Variants in AKAP6 observed in about 807,000 individuals in gnomAD.
AKAP6 encodes A-kinase anchoring protein 6, also known as A-kinase anchor protein 6.
Under a neutral mutation model 188.5 loss-of-function variants are expected in AKAP6, and 58 were observed. The ratio of observed to expected loss-of-function variants is 0.31; its 90% CI spans 0.25 to 0.38. AKAP6 has a LOEUF of 0.38. Ranked by LOEUF, AKAP6 falls within the 10% of genes least tolerant of loss-of-function variation. AKAP6 has a pLI of 1.00. For synonymous variants in AKAP6, 989 were observed against 998.6 expected, an observed-to-expected ratio of 0.99 and a Z score of 0.18; for missense variants, 2,710 against 2,740.0, an observed-to-expected ratio of 0.99 and a Z score of 0.24.
chr14:32,509,120 CTTTTTTTTTTTT>C (rs368423502), intron 2 of AKAP6, among the ~76,000 whole-genome samples: 1 of 94,774 alleles, frequency 1.1e-5, no homozygotes, highest in Non-Finnish European at 2.0e-5. Context: ...TGCCCTGCCT[CTTTTTTTTTTTT>C]TTTTTTTTTT....
chr14:32,705,671 C>G (rs948611690), intron 9 of AKAP6, among the ~76,000 whole-genome samples: 1 of 152,098 alleles, frequency 6.6e-6, no homozygotes, highest in Non-Finnish European at 1.5e-5. Flanking sequence ...AGGCACAGAA[C>G]TTGTCCCTTA....
chr14:32,744,814 T>C (rs2031827932), intron 11 of AKAP6, among the ~76,000 whole-genome samples: 1 of 152,128 alleles, frequency 6.6e-6, no homozygotes, highest in Admixed American at 6.5e-5. Flanking sequence ...CCTTTTTCTG[T>C]TGTCTCCTCT....
chr14:32,519,504 A>T (rs1430961512), intron 2 of AKAP6, among the ~76,000 whole-genome samples: 5 of 152,154 alleles, frequency 3.3e-5, no homozygotes, highest in African/African-American at 1.2e-4. Context: ...AGGAAGACCT[A>T]CCAAGCAAAT....
In AKAP6 at chr14:32,830,985, A is replaced by G. The variant is rs1352934616; in HGVS notation, c.*1180A>G. Reference sequence around the variant, plus strand: ...AGTTTTCAAAATCTTTCTGGTCACTATAAAGATCTTGGAACAGCAAATGAT... The same window carrying G: ...AGTTTTCAAAATCTTTCTGGTCACTGTAAAGATCTTGGAACAGCAAATGAT... On this transcript the variant is annotated 3_prime_UTR_variant, in exon 14 of 14. Coordinates refer to ENST00000280979, the MANE Select transcript of AKAP6 (RefSeq NM_004274.5). 2 of 152,208 alleles carry G rather than the reference A, an allele frequency of 1.3e-5. No individual in the cohort carries two copies. Among genetic ancestry groups the G allele is most frequent in the African/African-American group, 2.4e-5 (1 of 41,454 alleles). 9.4% of individuals were successfully genotyped at this position (152,208 alleles called of 1,614,324 possible). A position where few individuals can be genotyped will look rare whatever the true frequency, so the allele number is the denominator to read the frequency against.
intron 3 of AKAP6, among the ~76,000 whole-genome samples, chr14:32,536,662 T>G (rs1308633586): frequency 1.3e-5 from 2 of 152,206 alleles, no homozygotes; most frequent in African/African-American, 2.4e-5. Flanking sequence ...TATATTTGAT[T>G]TTTCTTATTT....
chr14:32,430,863 T>C (rs1011414055), intron 1 of AKAP6, among the ~76,000 whole-genome samples: 2 of 152,052 alleles, frequency 1.3e-5, no homozygotes, highest in Non-Finnish European at 2.9e-5. Flanking sequence ...TCCCAGCACT[T>C]TGGGAGGCCG....
chr14:32,394,857 A>C (rs188666386), intron 1 of AKAP6, among the ~76,000 whole-genome samples: 297 of 152,310 alleles, frequency 1.9e-3, no homozygotes, highest in Non-Finnish European at 3.5e-3. Context: ...CATTCTTAGA[A>C]ACTAAAGGAA....
Position 32,600,642 on chromosome 14 carries a change from G to T in AKAP6, c.2580G>T (p.Met860Ile). 1 of 1,612,360 alleles carries T rather than the reference G, an allele frequency of 6.2e-7. No homozygotes were observed. The highest frequency in any genetic ancestry group is 1.1e-5 in the South Asian group (1 of 90,704). ...IASHKAGLKD[M>I]LRMIASQWKE... ...CTTTTGGAGAAGGACTGAAGGACATGCTGCGGATGATTGCAAGTCAATGGA... is the reference window on the plus strand; with the variant it reads ...CTTTTGGAGAAGGACTGAAGGACATTCTGCGGATGATTGCAAGTCAATGGA... Residue 860 changes from methionine to isoleucine, a missense_variant, in exon 7 of 14, where the codon ATG becomes ATT. Transcript: ENST00000280979.
chr14:32,628,367 A>G (rs1228833526), intron 7 of AKAP6, among the ~76,000 whole-genome samples: 1 of 151,906 alleles, frequency 6.6e-6, no homozygotes. Context: ...GGGCACCAAG[A>G]AGTAATGAAC....
intron 8 of AKAP6, among the ~76,000 whole-genome samples, chr14:32,694,438 C>T (rs1472163657): frequency 6.6e-6 from 1 of 151,822 alleles, no homozygotes; most frequent in Non-Finnish European, 1.5e-5. Context: ...GAATCTCAAG[C>T]CCCACCCTAG....
intron 13 of AKAP6, among the ~76,000 whole-genome samples, chr14:32,829,153 A>C (rs1293481539): frequency 6.6e-6 from 1 of 152,210 alleles, no homozygotes; most frequent in South Asian, 2.1e-4. Context: ...ATTTAGAAAC[A>C]GGCAGAATGG....
chr14:32,334,960 T>G (rs777898753), intron 1 of AKAP6, among the ~76,000 whole-genome samples: 4 of 152,054 alleles, frequency 2.6e-5, no homozygotes, highest in Non-Finnish European at 5.9e-5. Context: ...ATTTTCAGAT[T>G]TTTTTTTGGA....
At chr14:32,363,575 C>T (rs1887732519) in intron 1 of AKAP6, among the ~76,000 whole-genome samples, 1 of 152,164 alleles carries the variant, frequency 6.6e-6, no homozygotes, top group African/African-American at 2.4e-5. Context: ...AACTTGGAGT[C>T]CTATGTTCAA....
At chr14:32,504,715 C>G (rs1880779074) in intron 2 of AKAP6, among the ~76,000 whole-genome samples, 2 of 151,994 alleles carry the variant, frequency 1.3e-5, no homozygotes, top group Admixed American at 1.3e-4. Flanking sequence ...CTTTTTCTTC[C>G]CAATAGTTAC....
chr14:32,814,732 C>CT (rs975750095), intron 12 of AKAP6, among the ~76,000 whole-genome samples: 1 of 152,020 alleles, frequency 6.6e-6, no homozygotes, highest in African/African-American at 2.4e-5. Context: ...TCCTTTCTTT[C>CT]TTTTTTATTT....
In AKAP6 at chr14:32,773,909, T is replaced by C; in HGVS notation, c.3588+16T>C. The stretch of plus-strand genomic sequence containing the variant: ...AAAGGAATCTGTGAGTGATGCTTTT[T>C]TTAAGCATAATTGTCTGTCATTTTC... On this transcript the variant is annotated intron_variant, in intron 12 of 13. Coordinates refer to ENST00000280979, the MANE Select transcript of AKAP6 (RefSeq NM_004274.5). 1 of 1,606,846 alleles carries C rather than the reference T, an allele frequency of 6.2e-7. No individual in the cohort carries two copies.
chr14:32,555,790 T>G (rs1353363249), intron 4 of AKAP6, among the ~76,000 whole-genome samples: 3 of 152,338 alleles, frequency 2.0e-5, no homozygotes, highest in Admixed American at 1.3e-4. Flanking sequence ...TTTTTAGGGC[T>G]GAATAATATT....
intron 7 of AKAP6, among the ~76,000 whole-genome samples, chr14:32,676,990 T>TCTACTAAA (rs1889455139): frequency 6.6e-6 from 1 of 151,962 alleles, no homozygotes; most frequent in African/African-American, 2.4e-5. Context: ...TGCGCCCGGG[T>TCTACTAAA]AATTTTTGTA....
At chr14:32,744,507 A>T (rs542819328) in intron 11 of AKAP6, among the ~76,000 whole-genome samples, 5 of 151,906 alleles carry the variant, frequency 3.3e-5, no homozygotes, top group Non-Finnish European at 4.4e-5. Flanking sequence ...TGGTAGAGAC[A>T]GGGTTTCACT....
Sources: allele counts gnomAD v4.1 joint callset (sites outside exome capture counted in the v4.1 genomes callset), GRCh38; gene constraint gnomAD v4.1.1; transcripts MANE v1.5; gene names NCBI Gene and HGNC (gene_info 2026-07-23, HGNC 2026-07-21).